Variants in SDK1 observed in about 807,000 individuals in gnomAD.
The protein encoded by SDK1 is sidekick cell adhesion molecule 1.
SDK1 carries 157 observed loss-of-function variants against 245.5 expected under a neutral mutation model. The ratio of observed to expected loss-of-function variants is 0.64; its 90% CI spans 0.56 to 0.73. The LOEUF (loss-of-function observed/expected upper bound fraction) is 0.73. Ranked by LOEUF, SDK1 falls within the 30% of genes least tolerant of loss-of-function variation. SDK1 has a pLI of 0.00. For synonymous variants in SDK1, 1,647 were observed against 1,278.5 expected (o/e 1.29, Z -6.15); for missense variants, 3,583 against 3,002.3 (o/e 1.19, Z -4.52).
chr7:3,940,583 C>T (rs1780321097), intron 5 of SDK1, among the ~76,000 whole-genome samples: 1 of 152,144 alleles, frequency 6.6e-6, no homozygotes, highest in African/African-American at 2.4e-5. Flanking sequence ...TGGCTCACGC[C>T]TGTAATCCCA....
intron 38 of SDK1, among the ~76,000 whole-genome samples, chr7:4,212,389 C>G (rs1182184808): frequency 6.6e-6 from 1 of 151,858 alleles, no homozygotes; most frequent in Non-Finnish European, 1.5e-5. Flanking sequence ...AGCTGCATCC[C>G]AAATCGGAGA....
At chr7:3,633,856 C>T (rs1014089797) in intron 2 of SDK1, among the ~76,000 whole-genome samples, 10 of 152,042 alleles carry the variant, frequency 6.6e-5, no homozygotes, top group African/African-American at 2.4e-4. Flanking sequence ...GAGCCACAGT[C>T]ACTCTGGAAC....
chr7:3,944,747 G>A (rs1780507614), intron 5 of SDK1, among the ~76,000 whole-genome samples: 1 of 152,178 alleles, frequency 6.6e-6, no homozygotes, highest in African/African-American at 2.4e-5. Flanking sequence ...CAGTAAAAGA[G>A]GAAGAGACGT....
chr7:4,221,717 T>C (rs925308033), intron 40 of SDK1, among the ~76,000 whole-genome samples: 1 of 152,190 alleles, frequency 6.6e-6, no homozygotes, highest in Admixed American at 6.5e-5. Context: ...CATGTCAGGG[T>C]TCTAAATGTT....
At chr7:3,499,088 G>A (rs1782113765) in intron 1 of SDK1, among the ~76,000 whole-genome samples, 1 of 152,156 alleles carries the variant, frequency 6.6e-6, no homozygotes, top group Non-Finnish European at 1.5e-5. Context: ...ATTCAGTAAA[G>A]TGTGCCCTTT....
chr7:3,931,623 T>A (rs574113842), intron 5 of SDK1, among the ~76,000 whole-genome samples: 1 of 152,288 alleles, frequency 6.6e-6, no homozygotes, highest in African/African-American at 2.4e-5. Flanking sequence ...CTCCTTAAAC[T>A]CCCCGCCATC....
intron 1 of SDK1, among the ~76,000 whole-genome samples, chr7:3,343,751 A>G (rs1387395454): frequency 2.0e-5 from 3 of 152,160 alleles, no homozygotes; most frequent in Non-Finnish European, 1.5e-5. Context: ...GACTTCTATT[A>G]GAAGACAAGA....
chr7:3,304,779 C>A (rs1474479181), intron 1 of SDK1, among the ~76,000 whole-genome samples: 2 of 152,172 alleles, frequency 1.3e-5, no homozygotes, highest in Non-Finnish European at 2.9e-5. Context: ...TGCTGACTTC[C>A]TGGAAACTCT....
At chr7:3,825,954 G>C (rs566596992) in intron 5 of SDK1, among the ~76,000 whole-genome samples, 59 of 152,306 alleles carry the variant, frequency 3.9e-4, no homozygotes, top group Non-Finnish European at 7.1e-4. Context: ...GAGCAATTTA[G>C]AACCAAGCAT....
At chr7:3,815,661 A>G (rs577314951) in intron 4 of SDK1, among the ~76,000 whole-genome samples, 4 of 151,716 alleles carry the variant, frequency 2.6e-5, no homozygotes, top group East Asian at 1.9e-4. Flanking sequence ...CTCTTTTTCT[A>G]TTGATTGGAA....
chr7:3,368,177 CGT>C (rs2128562530), intron 1 of SDK1, among the ~76,000 whole-genome samples: 1 of 152,198 alleles, frequency 6.6e-6, no homozygotes, highest in Admixed American at 6.5e-5. Context: ...AAACCAATAA[CGT>C]GTAAAATTGA....
intron 4 of SDK1, among the ~76,000 whole-genome samples, chr7:3,713,664 C>T (rs577558116): frequency 6.6e-6 from 1 of 152,336 alleles, no homozygotes; most frequent in South Asian, 2.1e-4. Context: ...TACCTTTCTA[C>T]AGCTTTCTGT....
intron 5 of SDK1, among the ~76,000 whole-genome samples, chr7:3,886,805 A>G (rs1562513769): frequency 6.6e-6 from 1 of 152,170 alleles, no homozygotes; most frequent in Non-Finnish European, 1.5e-5. Context: ...AGTCTCAACT[A>G]CTTGGGAGGC....
intron 35 of SDK1, among the ~76,000 whole-genome samples, chr7:4,202,347 GC>G (rs1193910212): frequency 3.3e-5 from 5 of 152,224 alleles, no homozygotes; most frequent in Admixed American, 2.6e-4. Flanking sequence ...CCCTCCCGCT[GC>G]CGCCCTCCGA....
chr7:3,972,922 CT>C (rs776252207), intron 12 of SDK1, among the ~76,000 whole-genome samples: 25 of 152,290 alleles, frequency 1.6e-4, no homozygotes, highest in Non-Finnish European at 2.5e-4. Context: ...TAGGACCCCC[CT>C]GGGGGCCACC....
At chr7:3,694,825 T>G (rs1784529511) in intron 4 of SDK1, among the ~76,000 whole-genome samples, 1 of 152,186 alleles carries the variant, frequency 6.6e-6, no homozygotes, top group Non-Finnish European at 1.5e-5. Context: ...ACAGGATTCT[T>G]AATAGTGACA....
intron 4 of SDK1, among the ~76,000 whole-genome samples, chr7:3,772,001 T>C (rs1480183438): frequency 3.3e-5 from 5 of 152,206 alleles, no homozygotes; most frequent in Non-Finnish European, 5.9e-5. Flanking sequence ...ATAAATGGGA[T>C]CATACAGTAT....
intron 5 of SDK1, among the ~76,000 whole-genome samples, chr7:3,865,073 C>T (rs535293449): frequency 3.2e-4 from 48 of 152,272 alleles, no homozygotes; most frequent in Non-Finnish European, 6.0e-4. Flanking sequence ...ATGAGGTCCC[C>T]GTGCCCTCCA....
chr7:3,910,664 G>A (rs1779132382), intron 5 of SDK1, among the ~76,000 whole-genome samples: 1 of 152,154 alleles, frequency 6.6e-6, no homozygotes, highest in East Asian at 1.9e-4. Context: ...GACAGGTGTA[G>A]AATGGGACGT....
Sources: allele counts gnomAD v4.1 joint callset (sites outside exome capture counted in the v4.1 genomes callset), GRCh38; gene constraint gnomAD v4.1.1; transcripts MANE v1.5; gene names NCBI Gene and HGNC (gene_info 2026-07-23, HGNC 2026-07-21).